TMC6: variants seen among roughly 807,000 people sequenced by gnomAD.
TMC6 encodes the protein transmembrane channel like 6, also known as transmembrane channel-like protein 6.
Under a neutral mutation model 95.4 loss-of-function variants are expected in TMC6, and 71 were observed. The ratio of observed to expected loss-of-function variants is 0.74; its 90% CI spans 0.61 to 0.91. The LOEUF (loss-of-function observed/expected upper bound fraction) is 0.91, where lower values mean the gene tolerates loss of function less well. Ranked by LOEUF, TMC6 falls within the 40% of genes least tolerant of loss-of-function variation. The pLI, the probability that TMC6 is intolerant of heterozygous loss-of-function variation, is 0.00. For synonymous variants in TMC6, 514 were observed against 483.1 expected, an observed-to-expected ratio of 1.06 and a Z score of -0.84; for missense variants, 1,074 against 1,079.1, an observed-to-expected ratio of 1.00 and a Z score of 0.07.
upstream of TMC6, chr17:78,131,753 G>A (rs1203713014): frequency 6.4e-7 from 1 of 1,573,804 alleles, no homozygotes; most frequent in African/African-American, 1.4e-5. Context: ...TGCCACGCGG[G>A]CGCCAGACGG....
chr17:78,119,992 A>C (rs2145168843), intron 13 of TMC6: 1 of 388,814 alleles, frequency 2.6e-6, no homozygotes, highest in Middle Eastern at 3.7e-4. Context: ...TATTAAATTC[A>C]TATATTCTCG....
At position 78,120,774 on chromosome 17, in the gene TMC6, T is replaced by G; in HGVS notation, c.1594A>C (p.Arg532=). 3 of 1,613,240 alleles carry G rather than the reference T, an allele frequency of 1.9e-6. No homozygotes were observed. The highest frequency in any genetic ancestry group is 1.7e-6 in the Non-Finnish European group (2 of 1,179,874). Residue 532 remains arginine (R), a synonymous_variant, in exon 13 of 20, where the codon AGG becomes CGG. Transcript: ENST00000590602. ...CACTGGCCCTGCAGGACGCCCACCC[T>G]GCGGCCCAGCCAGTGGTAGCACAGT... The part of the protein sequence containing the change: ...GTLCYHWLGR[R]VGVLQGQCWE...
intron 5 of TMC6, among the ~76,000 whole-genome samples, chr17:78,125,472 C>A (rs767816703): frequency 6.6e-6 from 1 of 152,260 alleles, no homozygotes; most frequent in Non-Finnish European, 1.5e-5. Context: ...CTGTTTCCCA[C>A]GCACGGTCCC....
At chr17:78,126,092 A>T in intron 4 of TMC6, 185 bp downstream of exon 4, 1 of 1,110,440 alleles carries the variant, frequency 9.0e-7, no homozygotes, top group Non-Finnish European at 1.3e-6. Flanking sequence ...AGCGAGGGCC[A>T]CATGGGGCTG....
chr17:78,118,601 A>G (rs1218910836), intron 15 of TMC6, among the ~76,000 whole-genome samples: 1 of 152,200 alleles, frequency 6.6e-6, no homozygotes, highest in African/African-American at 2.4e-5. Flanking sequence ...ATGGGAAGAA[A>G]GGTCCCAGTT....
At chr17:78,128,847 GC>G (rs1183153180), upstream of TMC6, 20 of 139,318 alleles carry the variant, frequency 1.4e-4, no homozygotes, top group African/African-American at 4.7e-4. This position sits in a 1 kb window ranked among gnomAD's most constrained non-coding sequence, Gnocchi z 4.0. Flanking sequence ...GGCCCGGCCC[GC>G]GGCGCCCCCG....
At chr17:78,126,041 AT>A in intron 4 of TMC6, 157 bp from the exon 5 acceptor site, 1 of 1,214,378 alleles carries the variant, frequency 8.2e-7, no homozygotes, top group South Asian at 1.4e-5. Context: ...CCGAAAGCCT[AT>A]TTTTACCCCG....
chr17:78,114,024 C>T (rs529453135), intron 18 of TMC6: 62 of 326,438 alleles, frequency 1.9e-4, no homozygotes, highest in South Asian at 1.3e-3. Flanking sequence ...GCTGTCGTAA[C>T]GAACTGTCAT....
chr17:78,108,907 C>T lies in TMC6; in HGVS notation c.*4241G>A, dbSNP rs1422074585. 6.5e-6 allele frequency: 1 copy of T among 154,722 alleles called. No individual in the cohort carries two copies. Among genetic ancestry groups the T allele is most frequent in the African/African-American group, 2.4e-5 (1 of 41,422 alleles). 9.6% of individuals were successfully genotyped at this position (154,722 alleles called of 1,614,324 possible). On this transcript the variant is annotated 3_prime_UTR_variant, in exon 20 of 20. Transcript: ENST00000590602. ...CCACGCTGGAGTGCAGTGATGTAAT[C>T]TCGGCTCACTGCAACCTTGACCTCA...
rs752518967 is a variant in TMC6, at chr17:78,121,722, C to T, written c.1228-11G>A. 3.2e-6 allele frequency: 5 copies of T among 1,571,204 alleles called. No individual in the cohort carries two copies. The highest frequency in any genetic ancestry group is 4.3e-6 in the Non-Finnish European group (5 of 1,162,286). On this transcript the variant is annotated splice_polypyrimidine_tract_variant and intron_variant, in intron 10 of 19. Transcript: ENST00000590602. The surrounding 1 kb of genome is among the most constrained non-coding windows in gnomAD (Gnocchi z 5.6). ...CTCGGCCAGCAGCTCCTGCAGGCGG[C>T]ACCGTGTCCCCGTCACCCACACCAG... is the stretch of plus-strand genomic sequence containing the variant.
chr17:78,117,221 G>T, intron 18 of TMC6, 48 bp downstream of exon 18: 1 of 1,599,212 alleles, frequency 6.3e-7, no homozygotes, highest in Non-Finnish European at 8.6e-7. Flanking sequence ...TCACCCTCAG[G>T]TGACCTGAGA....
chr17:78,119,518 CAAG>C (rs2074303197), intron 13 of TMC6, 126 bp from the exon 14 acceptor site: 4 of 938,294 alleles, frequency 4.3e-6, no homozygotes, highest in Admixed American at 2.0e-5. Context: ...CAGATAATGC[CAAG>C]AAGAGACAGC....
intron 19 of TMC6, 26 bp downstream of exon 19, chr17:78,113,522 T>C: frequency 1.2e-6 from 2 of 1,612,968 alleles, no homozygotes; most frequent in Non-Finnish European, 1.7e-6. Flanking sequence ...GCTCAGAGTG[T>C]CCCCAATCCC....
At chr17:78,117,240 G>C (rs749862914) in intron 18 of TMC6, 29 bp downstream of exon 18, 2 of 1,611,772 alleles carry the variant, frequency 1.2e-6, no homozygotes, top group Non-Finnish European at 1.7e-6. Flanking sequence ...GAGGGTGGGG[G>C]CTGAGAGCAG....
chr17:78,112,791 G>A lies in TMC6; in HGVS notation c.*357C>T, dbSNP rs1190519857. The A allele has an allele frequency of 2.7e-6, 1 of 377,324 alleles. No homozygotes were observed. The highest frequency in any genetic ancestry group is 4.9e-6 in the Non-Finnish European group (1 of 205,478). The allele number at this position is 377,324 out of a possible 1,614,324, so 23.4% of individuals were successfully genotyped here. On this transcript the variant is annotated 3_prime_UTR_variant, in exon 20 of 20. Transcript: ENST00000590602. ...GTCCAGCCCCTGCCATCTGGGGCTT[G>A]GCCAGCAGAGGGCGCCCCCACTCCA...
In TMC6 at chr17:78,117,836, CCAGGAAGG is replaced by C. The variant is rs761950605; in HGVS notation, c.1979_1986del (p.Ala660GlyfsTer98). On this transcript the variant is annotated frameshift_variant, in exon 16 of 20. Transcript: ENST00000590602. LOFTEE classifies it high-confidence loss of function. ...GCGTAGCAGAGGAAGACAGCGGCGCCCAGGAAGGCGGGGAAGCAGAGCAGCGTGAGGAA... is the reference window on the plus strand; with the variant it reads ...GCGTAGCAGAGGAAGACAGCGGCGCCCGGGGAAGCAGAGCAGCGTGAGGAA... The C allele has an allele frequency of 8.1e-6, 13 of 1,607,876 alleles. No homozygotes were observed. The African/African-American group carries it at 1.5e-4, about 18-fold the overall frequency.
In TMC6 at chr17:78,128,755, T is replaced by A. The variant is rs868181631; in HGVS notation, c.-218A>T. The A allele has an allele frequency of 7.7e-6, 1 of 130,708 alleles. No homozygotes were observed. Among genetic ancestry groups the A allele is most frequent in the Non-Finnish European group, 1.6e-5 (1 of 62,834 alleles). The allele number at this position is 130,708 out of a possible 1,614,324, so 8.1% of individuals were successfully genotyped here. On this transcript the variant is annotated 5_prime_UTR_variant, in exon 1 of 20. Coordinates refer to ENST00000590602, the MANE Select transcript of TMC6 (RefSeq NM_001127198.5). The surrounding 1 kb of genome is among the most constrained non-coding windows in gnomAD (Gnocchi z 4.0). ...GGGGCGACTGGGCCAGTCGCAGGTC[T>A]GCCGGGGCCGGGGGAGTAGCCGCAC...
upstream of TMC6, chr17:78,132,072 A>G: frequency 6.5e-7 from 1 of 1,534,606 alleles, no homozygotes; most frequent in Non-Finnish European, 8.7e-7. Flanking sequence ...CCCTCTCTGG[A>G]GCCCCACTGC....
In TMC6 at chr17:78,109,077, G is replaced by T. The variant is rs1469613965; in HGVS notation, c.*4071C>A. On this transcript the variant is annotated 3_prime_UTR_variant, in exon 20 of 20. Coordinates refer to ENST00000590602, the MANE Select transcript of TMC6 (RefSeq NM_001127198.5). ...ATGTTGCCCAGGCTGATCTCGAACT[G>T]CTGGGAATACAGGCATGAGCCAGGT... is the stretch of plus-strand genomic sequence containing the variant. The T allele has an allele frequency of 8.7e-6, 2 of 228,882 alleles. No homozygotes were observed. The highest frequency in any genetic ancestry group is 1.8e-5 in the Non-Finnish European group (2 of 113,144). 14.2% of individuals were successfully genotyped at this position (228,882 alleles called of 1,614,324 possible). A position where few individuals can be genotyped will look rare whatever the true frequency, so the allele number is the denominator to read the frequency against.
Sources: allele counts gnomAD v4.1 joint callset (sites outside exome capture counted in the v4.1 genomes callset), GRCh38; gene constraint gnomAD v4.1.1; non-coding constraint Gnocchi (gnomAD v3.1); transcripts MANE v1.5; gene names NCBI Gene and HGNC (gene_info 2026-07-23, HGNC 2026-07-21).